Variants in ZCCHC4 observed in about 807,000 individuals in gnomAD.
ZCCHC4 encodes the protein rRNA N(6)-adenosine-methyltransferase ZCCHC4.
Under a neutral mutation model 67.7 loss-of-function variants are expected in ZCCHC4, and 54 were observed. The observed-to-expected ratio is 0.80, with a 90% CI of 0.64 to 1.00. ZCCHC4 has a LOEUF of 1.00. Ranked by LOEUF, ZCCHC4 falls within the 50% of genes least tolerant of loss-of-function variation. The pLI, the probability that ZCCHC4 is intolerant of heterozygous loss-of-function variation, is 0.00. For missense variants in ZCCHC4, 609 were observed against 617.0 expected (o/e 0.99, Z 0.14); for synonymous variants, 198 against 213.5 (o/e 0.93, Z 0.63).
chr4:25,324,014 G>GTTGGTTTTTTTTTTTT (rs1553895903), intron 3 of ZCCHC4, among the ~76,000 whole-genome samples: 1 of 82,446 alleles, frequency 1.2e-5, no homozygotes, highest in African/African-American at 5.2e-5. Flanking sequence ...TGTTTTTTGT[G>GTTGGTTTTTTTTTTTT]TTTTTTTTTT....
Position 25,362,262 on chromosome 4 carries a change from G to C in ZCCHC4, c.1170G>C (p.Glu390Asp), listed in dbSNP as rs551813530. The part of the protein sequence containing the change: ...CSPCQRYVSL[E>D]NQHCELCNSC... Reference sequence around the variant, plus strand: ...CGTGTCAACGGTATGTTTCTCTAGAGAATCAACACTGTGAGCTCTGTAATT... The same window carrying C: ...CGTGTCAACGGTATGTTTCTCTAGACAATCAACACTGTGAGCTCTGTAATT... Residue 390 changes from glutamate to aspartate, a missense_variant, in exon 10 of 13, where the codon GAG becomes GAC. By Grantham distance (45) the Glu-to-Asp change is conservative. Coordinates refer to ENST00000302874, the MANE Select transcript of ZCCHC4 (RefSeq NM_024936.3). 6.2e-6 allele frequency: 10 copies of C among 1,611,310 alleles called. No individual in the cohort carries two copies. The Middle Eastern group carries it at 6.6e-4, about 106-fold the overall frequency.
At chr4:25,330,449 G>C (rs957827904) in intron 3 of ZCCHC4, among the ~76,000 whole-genome samples, 15 of 152,154 alleles carry the variant, frequency 9.9e-5, no homozygotes, top group Non-Finnish European at 1.5e-4. Context: ...ACAGTTACTT[G>C]TTGTAGTGTG....
In ZCCHC4 at chr4:25,350,097, G is replaced by A. The variant is rs538506513; in HGVS notation, c.910+455G>A. Among the ~76,000 whole-genome samples, 4 of 152,098 alleles carry A rather than the reference G, an allele frequency of 2.6e-5. No individual in the cohort carries two copies. In the East Asian group the frequency reaches 5.8e-4, roughly 22 times the overall value. ...CTCAACCTGAGGTCCAGGGCTCTAC[G>A]CTTTGCCAGGATATGAGTTTGGAGG... On this transcript the variant is annotated intron_variant, in intron 7 of 12. Coordinates refer to ENST00000302874, the MANE Select transcript of ZCCHC4 (RefSeq NM_024936.3).
At chr4:25,348,302 G>T (rs1262934836) in intron 6 of ZCCHC4, among the ~76,000 whole-genome samples, 1 of 152,148 alleles carries the variant, frequency 6.6e-6, no homozygotes, top group Non-Finnish European at 1.5e-5. Context: ...TGATTTCGCG[G>T]TAGAACAAAA....
At chr4:25,351,327 C>T (rs1252334320) in intron 7 of ZCCHC4, among the ~76,000 whole-genome samples, 3 of 152,122 alleles carry the variant, frequency 2.0e-5, no homozygotes, top group African/African-American at 7.2e-5. Context: ...ACATCTTTGC[C>T]TTACCTAGAC....
At chr4:25,315,015 A>G (rs915314685) in intron 2 of ZCCHC4, among the ~76,000 whole-genome samples, 1 of 152,148 alleles carries the variant, frequency 6.6e-6, no homozygotes, top group Non-Finnish European at 1.5e-5. Flanking sequence ...TTATGGTAAA[A>G]CAGTATTATA....
intron 5 of ZCCHC4, 81 bp from the exon 6 acceptor site, chr4:25,345,467 A>G: frequency 2.3e-6 from 2 of 857,624 alleles, no homozygotes; most frequent in South Asian, 3.4e-5. Flanking sequence ...TAAAGGTGTG[A>G]TTTTATTGTT....
At chr4:25,365,436 G>A (rs958495915) in intron 12 of ZCCHC4, 5 of 1,188,656 alleles carry the variant, frequency 4.2e-6, no homozygotes, top group South Asian at 4.7e-5. Context: ...TTGGCTTTAC[G>A]TCTCATGTGT....
chr4:25,362,851 G>T (rs955816160), intron 10 of ZCCHC4, among the ~76,000 whole-genome samples: 2 of 152,040 alleles, frequency 1.3e-5, no homozygotes, highest in South Asian at 2.1e-4. Flanking sequence ...TTTCTTAATA[G>T]ACTTGGTTCT....
At position 25,315,391 on chromosome 4, in the gene ZCCHC4, G is replaced by A; in HGVS notation, c.320G>A (p.Cys107Tyr). The A allele has an allele frequency of 1.9e-6, 3 of 1,610,082 alleles. No homozygotes were observed. The highest frequency in any genetic ancestry group is 2.5e-6 in the Non-Finnish European group (3 of 1,178,180). Residue 107 changes from cysteine (C) to tyrosine (Y), a missense_variant, in exon 3 of 13, where the codon TGT (cysteine) becomes TAT (tyrosine). By Grantham distance (194) the Cys-to-Tyr change is radical (BLOSUM62 -2). Coordinates refer to ENST00000302874, the MANE Select transcript of ZCCHC4 (RefSeq NM_024936.3). ...RCQPPLSRTQ[C>Y]VERYLKFIEL... ...CAGCCTCCCCTGTCCCGAACGCAGTGTGTGGAAAGGTACTGATGCAGTGTC... is the reference window on the plus strand; with the variant it reads ...CAGCCTCCCCTGTCCCGAACGCAGTATGTGGAAAGGTACTGATGCAGTGTC...
chr4:25,361,567 A>G (rs1422846119), intron 8 of ZCCHC4: 2 of 326,072 alleles, frequency 6.1e-6, no homozygotes, highest in African/African-American at 2.1e-5. Flanking sequence ...AATGCTGTAC[A>G]TATGGCCTGC....
chr4:25,364,448 TG>T lies in ZCCHC4; in HGVS notation c.1210-4del, dbSNP rs199529800. 3.4e-4 allele frequency: 513 copies of T among 1,507,378 alleles called. 1 individual carries two copies. In the African/African-American group the frequency reaches 6.3e-3, roughly 18 times the overall value. 93.4% of individuals were successfully genotyped at this position (1,507,378 alleles called of 1,614,324 possible). ...ATAATTTAAAAATTGTTTTTTTTTT[TG>T]GTAGGATGGCAGGAAATGGAACCAT... On this transcript the variant is annotated splice_region_variant and splice_polypyrimidine_tract_variant and intron_variant, in intron 10 of 12. Transcript: ENST00000302874.
intron 5 of ZCCHC4, among the ~76,000 whole-genome samples, chr4:25,338,733 C>G (rs1261336565): frequency 2.0e-5 from 3 of 152,204 alleles, no homozygotes; most frequent in African/African-American, 7.2e-5. Context: ...GTCAGTACTT[C>G]ATTCCTTTTT....
At chr4:25,347,614 T>C (rs1374746548) in intron 6 of ZCCHC4, among the ~76,000 whole-genome samples, 1 of 152,196 alleles carries the variant, frequency 6.6e-6, no homozygotes, top group Admixed American at 6.5e-5. Context: ...AGATTTACCA[T>C]CCACTAATCA....
At chr4:25,320,772 G>T (rs1296268089) in intron 3 of ZCCHC4, among the ~76,000 whole-genome samples, 1 of 152,224 alleles carries the variant, frequency 6.6e-6, no homozygotes, top group Non-Finnish European at 1.5e-5. Context: ...TAATAAACTA[G>T]CAGTGAAGCT....
intron 3 of ZCCHC4, among the ~76,000 whole-genome samples, chr4:25,327,773 TACCCA>T (rs1296749738): frequency 6.6e-6 from 1 of 152,188 alleles, no homozygotes; most frequent in Admixed American, 6.5e-5. Context: ...TGAGCCACCA[TACCCA>T]GCCTGAGAAT....
intron 10 of ZCCHC4, among the ~76,000 whole-genome samples, chr4:25,362,993 C>A (rs2109093501): frequency 6.6e-6 from 1 of 152,316 alleles, no homozygotes; most frequent in South Asian, 2.1e-4. Context: ...TTTGTTACAA[C>A]TGATGGGCCT....
In ZCCHC4 at chr4:25,326,528, G is replaced by C. The variant is rs867284450; in HGVS notation, c.330-6655G>C. 3.9e-5 allele frequency among the ~76,000 whole-genome samples: 6 copies of C among 152,042 alleles called. 2 individuals are homozygous for C. Among genetic ancestry groups the C allele is most frequent in the Middle Eastern group, 6.8e-3 (2 of 294 alleles). On this transcript the variant is annotated intron_variant, in intron 3 of 12. Coordinates refer to ENST00000302874, the MANE Select transcript of ZCCHC4 (RefSeq NM_024936.3). ...AACTTTATATGTGTTTTTTTTTCTG[G>C]ACTATTTTTTTCCCTTGACCTATAG...
At chr4:25,350,819 T>C (rs538168843) in intron 7 of ZCCHC4, among the ~76,000 whole-genome samples, 1 of 152,354 alleles carries the variant, frequency 6.6e-6, no homozygotes, top group South Asian at 2.1e-4. Flanking sequence ...ATAAAGAGCT[T>C]TGTGGGCTTG....
Sources: allele counts gnomAD v4.1 joint callset (sites outside exome capture counted in the v4.1 genomes callset), GRCh38; gene constraint gnomAD v4.1.1; transcripts MANE v1.5; gene names NCBI Gene and HGNC (gene_info 2026-07-23, HGNC 2026-07-21).